The following PTPRN2 variants were observed in gnomAD, a reference collection of about 807,000 sequenced individuals.
The protein encoded by PTPRN2 is protein tyrosine phosphatase receptor type N2.
A neutral mutation model predicts 118.8 loss-of-function variants in PTPRN2; 74 were observed. That is an observed-to-expected ratio of 0.62 (90% CI 0.52 to 0.76). The LOEUF (loss-of-function observed/expected upper bound fraction) is 0.76, where lower values mean the gene tolerates loss of function less well. Ranked by LOEUF, PTPRN2 falls within the 30% of genes least tolerant of loss-of-function variation. The pLI, the probability that PTPRN2 is intolerant of heterozygous loss-of-function variation, is 0.00. For synonymous variants in PTPRN2, 641 were observed against 608.0 expected (o/e 1.05, Z -0.80); for missense variants, 1,481 against 1,394.4 (o/e 1.06, Z -0.99).
chr7:158,306,313 G>A (rs1420283868), intron 3 of PTPRN2, among the ~76,000 whole-genome samples: 1 of 152,192 alleles, frequency 6.6e-6, no homozygotes, highest in African/African-American at 2.4e-5. Context: ...ACACATGGAG[G>A]GCTGTGTGCC....
At chr7:158,166,620 C>A (rs1186259186) in intron 6 of PTPRN2, among the ~76,000 whole-genome samples, 1 of 152,120 alleles carries the variant, frequency 6.6e-6, no homozygotes, top group Non-Finnish European at 1.5e-5. Context: ...TCCCCTCCCA[C>A]TGGCCGCTGT....
At chr7:158,120,752 T>TCCAGG (rs1263683470) in intron 9 of PTPRN2, among the ~76,000 whole-genome samples, 3 of 152,176 alleles carry the variant, frequency 2.0e-5, no homozygotes, top group Non-Finnish European at 4.4e-5. Context: ...CAAAACATCC[T>TCCAGG]CCAGGGCCAT....
At chr7:158,337,541 C>T (rs1263145063) in intron 2 of PTPRN2, among the ~76,000 whole-genome samples, 2 of 140,992 alleles carry the variant, frequency 1.4e-5, no homozygotes, top group African/African-American at 2.7e-5. Flanking sequence ...CACCTGCAGA[C>T]GTCATTCACA....
intron 5 of PTPRN2, 65 bp from the exon 6 acceptor site, chr7:158,167,356 A>T (rs1431434391): frequency 1.3e-6 from 2 of 1,519,914 alleles, no homozygotes; most frequent in Non-Finnish European, 1.8e-6. Flanking sequence ...GGGCACCAAG[A>T]TGCCCTTCAG....
intron 3 of PTPRN2, among the ~76,000 whole-genome samples, chr7:158,280,459 C>T (rs1334173980): frequency 1.3e-5 from 2 of 152,218 alleles, no homozygotes; most frequent in South Asian, 2.1e-4. Flanking sequence ...TCTACTCTGA[C>T]GGCTCAGCCT....
At chr7:158,403,322 GTAAA>G (rs1241654227) in intron 2 of PTPRN2, among the ~76,000 whole-genome samples, 1 of 152,226 alleles carries the variant, frequency 6.6e-6, no homozygotes, top group Non-Finnish European at 1.5e-5. Context: ...ATGTGAAAAC[GTAAA>G]TAACCAGAGC....
intron 21 of PTPRN2, among the ~76,000 whole-genome samples, chr7:157,556,034 C>G (rs1798860095): frequency 6.6e-6 from 1 of 152,172 alleles, no homozygotes; most frequent in South Asian, 2.1e-4. Context: ...GACCCCAGAA[C>G]TGGACTGGGT....
Position 158,174,884 on chromosome 7 carries a change from G to A in PTPRN2, c.550-7593C>T, listed in dbSNP as rs181064733. ...CACTGCTGAGGAAGTGACTCTCCTC[G>A]CTCCCAACTTTACTGGGGCCGGGAG... On this transcript the variant is annotated intron_variant, in intron 5 of 22. Transcript: ENST00000389418. Among the ~76,000 whole-genome samples the A allele has an allele frequency of 5.7e-3, 867 of 152,134 alleles. 7 individuals are homozygous for A. Among genetic ancestry groups the A allele is most frequent in the African/African-American group, 0.02 (812 of 41,500 alleles).
intron 16 of PTPRN2, among the ~76,000 whole-genome samples, chr7:157,600,150 C>T (rs1585089189): frequency 1.1e-5 from 1 of 90,866 alleles, no homozygotes; most frequent in Non-Finnish European, 2.2e-5. Context: ...CCCACATCTC[C>T]ACCTGCCTAC....
At chr7:157,545,097 T>C (rs1199266580) in intron 22 of PTPRN2, among the ~76,000 whole-genome samples, 1 of 144,026 alleles carries the variant, frequency 6.9e-6, no homozygotes, top group East Asian at 2.1e-4. Flanking sequence ...GTGCACCCCG[T>C]GGGTGGGTGT....
At chr7:158,419,028 T>A (rs535990818) in intron 2 of PTPRN2, among the ~76,000 whole-genome samples, 3 of 152,250 alleles carry the variant, frequency 2.0e-5, no homozygotes, top group African/African-American at 7.2e-5. Context: ...GTGGCTCACA[T>A]AGTCCTTGCC....
intron 1 of PTPRN2, among the ~76,000 whole-genome samples, chr7:158,571,917 A>G (rs1440156975): frequency 6.6e-6 from 1 of 152,204 alleles, no homozygotes; most frequent in African/African-American, 2.4e-5. Context: ...AACAGTATAT[A>G]CAACATGGAA....
intron 10 of PTPRN2, among the ~76,000 whole-genome samples, chr7:158,081,737 T>A (rs1236533805): frequency 6.6e-6 from 1 of 152,216 alleles, no homozygotes; most frequent in Non-Finnish European, 1.5e-5. Context: ...AAGGGAGATG[T>A]ATGAATCTAG....
intron 12 of PTPRN2, among the ~76,000 whole-genome samples, chr7:157,715,405 G>T (rs921431319): frequency 1.1e-4 from 16 of 152,244 alleles, no homozygotes. Context: ...ATGAGGCAAA[G>T]TGATAGGGGA....
intron 1 of PTPRN2, among the ~76,000 whole-genome samples, chr7:158,564,298 T>G (rs772326398): frequency 6.6e-6 from 1 of 152,256 alleles, no homozygotes; most frequent in East Asian, 1.9e-4. Flanking sequence ...TATGCAAACA[T>G]CTTTGCACAT....
chr7:158,350,007 G>A (rs1050728108), intron 2 of PTPRN2, among the ~76,000 whole-genome samples: 10 of 152,156 alleles, frequency 6.6e-5, no homozygotes, highest in South Asian at 4.1e-4. Flanking sequence ...GATACAGCAC[G>A]GATTCCTTCC....
chr7:157,876,915 G>A (rs993300067), intron 12 of PTPRN2, among the ~76,000 whole-genome samples: 4 of 152,324 alleles, frequency 2.6e-5, no homozygotes, highest in Admixed American at 6.5e-5. Flanking sequence ...GGAGGACGAC[G>A]TTCTGAAATG....
At chr7:158,328,793 T>TCCCC (rs368096894) in intron 2 of PTPRN2, among the ~76,000 whole-genome samples, 3 of 134,028 alleles carry the variant, frequency 2.2e-5, no homozygotes, top group African/African-American at 8.5e-5. Flanking sequence ...GGGCCTCCAT[T>TCCCC]CCCCCCCCCC....
At chr7:157,884,686 AG>A (rs1438038202) in intron 12 of PTPRN2, among the ~76,000 whole-genome samples, 1 of 152,204 alleles carries the variant, frequency 6.6e-6, no homozygotes, top group African/African-American at 2.4e-5. Flanking sequence ...GACAAGAGAG[AG>A]CATGTGCAGG....
Sources: gnomAD v4.1 joint callset for allele counts (sites outside exome capture counted in the v4.1 genomes callset) on GRCh38, gnomAD v4.1.1 for gene constraint, MANE v1.5 for transcripts, NCBI Gene and HGNC (gene_info 2026-07-23, HGNC 2026-07-21) for gene names.